Variants in RAPGEF2 observed in about 807,000 individuals in gnomAD.
RAPGEF2 encodes the protein Rap guanine nucleotide exchange factor 2, also known as PDZ domain containing guanine nucleotide exchange factor (GEF) 1.
Under a neutral mutation model 186.7 loss-of-function variants are expected in RAPGEF2, and 54 were observed. The ratio of observed to expected loss-of-function variants is 0.29; its 90% confidence interval spans 0.23 to 0.36. The LOEUF (loss-of-function observed/expected upper bound fraction) is 0.36. Ranked by LOEUF, RAPGEF2 falls within the 10% of genes least tolerant of loss-of-function variation. The pLI is 1.00. For synonymous variants in RAPGEF2, 712 were observed against 705.9 expected (o/e 1.01, Z -0.14); for missense variants, 1,532 against 2,045.0 (o/e 0.75, Z 4.84).
At chr4:159,184,777 T>C (rs1314564995) in intron 1 of RAPGEF2, among the ~76,000 whole-genome samples, 1 of 152,220 alleles carries the variant, frequency 6.6e-6, no homozygotes, top group Non-Finnish European at 1.5e-5. Context: ...CTGGCTTTTG[T>C]TGCCATTGCT....
intron 1 of RAPGEF2, among the ~76,000 whole-genome samples, chr4:159,147,631 G>A (rs1281196351): frequency 1.3e-5 from 2 of 152,204 alleles, no homozygotes; most frequent in Non-Finnish European, 2.9e-5. Context: ...AGATATTTAT[G>A]GTTAGATGTC....
chr4:159,105,203 A>G (rs1387391728), intron 1 of RAPGEF2, among the ~76,000 whole-genome samples: 1 of 152,194 alleles, frequency 6.6e-6, no homozygotes, highest in Non-Finnish European at 1.5e-5. Context: ...AAGCGTTGGG[A>G]TGGTGACTAT....
chr4:159,295,408 G>C (rs1044295177), intron 7 of RAPGEF2, among the ~76,000 whole-genome samples: 3 of 152,196 alleles, frequency 2.0e-5, no homozygotes, highest in Non-Finnish European at 4.4e-5. Flanking sequence ...ATTTGTGTGT[G>C]TGTGTGTATG....
intron 1 of RAPGEF2, among the ~76,000 whole-genome samples, chr4:159,106,690 A>G (rs1168681153): frequency 6.6e-6 from 1 of 152,214 alleles, no homozygotes; most frequent in Non-Finnish European, 1.5e-5. Context: ...GAATTGGGGA[A>G]CATATGTAAT....
intron 7 of RAPGEF2, among the ~76,000 whole-genome samples, chr4:159,253,277 ACT>A (rs1184582992): frequency 1.3e-5 from 2 of 152,194 alleles, no homozygotes; most frequent in South Asian, 2.1e-4. Context: ...AACTTGCCTT[ACT>A]CTCTTTTATT....
chr4:159,121,411 G>C (rs1340480098), intron 1 of RAPGEF2, among the ~76,000 whole-genome samples: 1 of 151,390 alleles, frequency 6.6e-6, no homozygotes, highest in Non-Finnish European at 1.5e-5. Flanking sequence ...CTGTTGCCCA[G>C]GCTGGAGTAC....
chr4:159,160,981 A>G (rs1219678324), intron 1 of RAPGEF2, among the ~76,000 whole-genome samples: 1 of 129,420 alleles, frequency 7.7e-6, no homozygotes, highest in Non-Finnish European at 1.8e-5. Context: ...ATTAGAAATT[A>G]AAGTTTTTTT....
intron 9 of RAPGEF2, 72 bp downstream of exon 9, chr4:159,314,840 G>C: frequency 1.4e-6 from 2 of 1,389,642 alleles, no homozygotes; most frequent in Non-Finnish European, 2.0e-6. Context: ...TGATGAAATA[G>C]AGCCCAAGAC....
intron 3 of RAPGEF2, among the ~76,000 whole-genome samples, chr4:159,202,583 C>T (rs1337010194): frequency 6.6e-6 from 1 of 152,084 alleles, no homozygotes; most frequent in Admixed American, 6.6e-5. Flanking sequence ...CTCTCCTTGT[C>T]AGTCCCCCTT....
intron 3 of RAPGEF2, among the ~76,000 whole-genome samples, chr4:159,210,099 G>A (rs896285227): frequency 2.6e-5 from 4 of 152,160 alleles, no homozygotes; most frequent in African/African-American, 7.2e-5. Flanking sequence ...AAAGAATACC[G>A]AAGAAATAGT....
At chr4:159,304,031 G>T (rs1317415325) in intron 7 of RAPGEF2, among the ~76,000 whole-genome samples, 1 of 152,078 alleles carries the variant, frequency 6.6e-6, no homozygotes, top group Non-Finnish European at 1.5e-5. Context: ...AGCCTAATTT[G>T]CTCATTGACG....
intron 25 of RAPGEF2, among the ~76,000 whole-genome samples, chr4:159,347,713 G>T (rs775461779): frequency 6.6e-6 from 1 of 152,218 alleles, no homozygotes; most frequent in Non-Finnish European, 1.5e-5. Context: ...GAACCCGGGA[G>T]GGGGAGCTTG....
At chr4:159,243,871 T>C (rs1478013962) in intron 7 of RAPGEF2, 80 bp downstream of exon 7, 1 of 1,003,960 alleles carries the variant, frequency 1.0e-6, no homozygotes, top group African/African-American at 1.7e-5. Context: ...GAATTTATAA[T>C]ATTCATATGT....
At chr4:159,247,380 T>A (rs879115137) in intron 7 of RAPGEF2, among the ~76,000 whole-genome samples, 50 of 152,122 alleles carry the variant, frequency 3.3e-4, no homozygotes, top group African/African-American at 1.2e-3. Context: ...TCGGGGATGG[T>A]TTCATGAACC....
intron 1 of RAPGEF2, among the ~76,000 whole-genome samples, chr4:159,158,898 A>T (rs904677171): frequency 6.6e-6 from 1 of 152,174 alleles, no homozygotes; most frequent in African/African-American, 2.4e-5. Context: ...AGACTGGCTA[A>T]TCCCCCTTTT....
chr4:159,134,926 G>A (rs1339251077), intron 1 of RAPGEF2, among the ~76,000 whole-genome samples: 1 of 152,130 alleles, frequency 6.6e-6, no homozygotes, highest in Non-Finnish European at 1.5e-5. Flanking sequence ...TTCCTATTCT[G>A]GACATTTCAT....
chr4:159,147,570 T>A lies in RAPGEF2; in HGVS notation c.70-39072T>A, dbSNP rs374253147. Among the ~76,000 whole-genome samples the A allele has an allele frequency of 3.9e-5, 6 of 152,338 alleles. No individual in the cohort carries two copies. In the East Asian group the frequency reaches 9.6e-4, roughly 24 times the overall value. ...TAAATATTTATAATGAATAGCTTGA[T>A]AGAGCAAATCAAGAATTTGGAATAA... On this transcript the variant is annotated intron_variant, in intron 1 of 29. Coordinates refer to ENST00000691494, the MANE Select transcript of RAPGEF2 (RefSeq NM_001394067.2).
At chr4:159,338,534 T>C in intron 18 of RAPGEF2, 66 bp downstream of exon 18, 1 of 1,403,144 alleles carries the variant, frequency 7.1e-7, no homozygotes, top group Non-Finnish European at 9.9e-7. Context: ...ATAATGGTCA[T>C]ATTATATGTA....
intron 1 of RAPGEF2, among the ~76,000 whole-genome samples, chr4:159,178,025 C>G (rs1222284822): frequency 6.6e-6 from 1 of 152,186 alleles, no homozygotes; most frequent in Non-Finnish European, 1.5e-5. Context: ...CCACTTAGGC[C>G]TCAACCTCCA....
Sources: allele counts gnomAD v4.1 joint callset (sites outside exome capture counted in the v4.1 genomes callset), GRCh38; gene constraint gnomAD v4.1.1; transcripts MANE v1.5; gene names NCBI Gene and HGNC (gene_info 2026-07-23, HGNC 2026-07-21).